TSHZ2: variants seen among roughly 807,000 people sequenced by gnomAD.
TSHZ2 encodes teashirt homolog 2.
A neutral mutation model predicts 74.4 loss-of-function variants in TSHZ2; 21 were observed. That is an observed-to-expected ratio of 0.28 (90% CI 0.20 to 0.41). The LOEUF is 0.41. Among genes scored for constraint, TSHZ2 ranks in the 10% least tolerant of loss-of-function variants. The probability of loss-of-function intolerance (pLI) is 1.00; values close to 1 mark genes in which losing one functional copy is unlikely to be tolerated. For missense variants in TSHZ2, 1,244 were observed against 1,293.5 expected, an observed-to-expected ratio of 0.96 and a Z score of 0.59; for synonymous variants, 540 against 515.3, an observed-to-expected ratio of 1.05 and a Z score of -0.65.
chr20:53,337,458 T>C (rs1042970439), intron 2 of TSHZ2, among the ~76,000 whole-genome samples: 4 of 152,322 alleles, frequency 2.6e-5, no homozygotes, highest in Admixed American at 6.5e-5. Context: ...GTATGTTTCA[T>C]TGGACGGAAC....
At chr20:53,434,915 G>T (rs1003591567) in intron 2 of TSHZ2, among the ~76,000 whole-genome samples, 26 of 152,252 alleles carry the variant, frequency 1.7e-4, no homozygotes, top group Non-Finnish European at 3.4e-4. Flanking sequence ...TGTTTGTTCA[G>T]ACTGGTCTGC....
chr20:53,407,548 C>T (rs897566365), intron 2 of TSHZ2, among the ~76,000 whole-genome samples: 1 of 152,178 alleles, frequency 6.6e-6, no homozygotes, highest in Non-Finnish European at 1.5e-5. Context: ...TGAAGAGGAT[C>T]AGAAGCCACC....
intron 1 of TSHZ2, among the ~76,000 whole-genome samples, chr20:53,168,088 G>A (rs755121917): frequency 7.2e-5 from 11 of 152,300 alleles, no homozygotes; most frequent in Middle Eastern, 6.8e-3. Flanking sequence ...GGCATCATGG[G>A]TGTGTGATTA....
intron 2 of TSHZ2, among the ~76,000 whole-genome samples, chr20:53,483,812 T>C (rs572084746): frequency 2.0e-5 from 3 of 152,350 alleles, no homozygotes; most frequent in African/African-American, 4.8e-5. Flanking sequence ...CTTACTTTCA[T>C]TCCCAGGACA....
intron 2 of TSHZ2, among the ~76,000 whole-genome samples, chr20:53,394,859 CAAAAAA>C (rs1005992034): frequency 1.4e-4 from 6 of 44,116 alleles, no homozygotes; most frequent in South Asian, 8.2e-4. Flanking sequence ...CAGAACTCAC[CAAAAAA>C]AAAAAAAAAA....
At chr20:53,168,239 A>G (rs1031994215) in intron 1 of TSHZ2, among the ~76,000 whole-genome samples, 2 of 152,206 alleles carry the variant, frequency 1.3e-5, no homozygotes, top group African/African-American at 2.4e-5. Context: ...ATATCGTCGG[A>G]CGTGTAGCCC....
At chr20:53,307,755 C>A (rs1978604588) in intron 2 of TSHZ2, among the ~76,000 whole-genome samples, 1 of 152,196 alleles carries the variant, frequency 6.6e-6, no homozygotes, top group Non-Finnish European at 1.5e-5. Context: ...CTATTTCCAG[C>A]CCTTGGGAAA....
intron 1 of TSHZ2, among the ~76,000 whole-genome samples, chr20:53,040,737 C>T (rs1439492824): frequency 6.6e-6 from 1 of 152,106 alleles, no homozygotes; most frequent in Non-Finnish European, 1.5e-5. Flanking sequence ...ACTTAGTGTC[C>T]ACCCTTGGAC....
At chr20:53,141,755 G>A (rs1232831701) in intron 1 of TSHZ2, among the ~76,000 whole-genome samples, 4 of 152,212 alleles carry the variant, frequency 2.6e-5, no homozygotes, top group African/African-American at 4.8e-5. Context: ...GGGTGACCTC[G>A]CTGTGCCTTG....
At chr20:53,249,891 T>C (rs1392882690) in intron 1 of TSHZ2, among the ~76,000 whole-genome samples, 2 of 152,214 alleles carry the variant, frequency 1.3e-5, no homozygotes, top group African/African-American at 2.4e-5. Context: ...AAGAATCTTC[T>C]AGCAGTTCAC....
rs183381394 is a variant in TSHZ2, at chr20:53,097,012, C to G, written c.40+123679C>G. Among the ~76,000 whole-genome samples, 479 of 152,172 alleles carry G rather than the reference C, an allele frequency of 3.1e-3. 1 individual carries two copies. The highest frequency in any genetic ancestry group is 0.011 in the African/African-American group (439 of 41,520). The stretch of plus-strand genomic sequence containing the variant: ...GGTATTGACATCATTTGGGGGCAGA[C>G]AATTCTCTATTGCAGAGGACTGTCC... On this transcript the variant is annotated intron_variant, in intron 1 of 2. Coordinates refer to ENST00000371497, the MANE Select transcript of TSHZ2 (RefSeq NM_173485.6).
At chr20:53,371,486 T>C (rs1981467863) in intron 2 of TSHZ2, among the ~76,000 whole-genome samples, 1 of 152,222 alleles carries the variant, frequency 6.6e-6, no homozygotes, top group Admixed American at 6.5e-5. Flanking sequence ...ATTTGTTTCC[T>C]GGGATGGCTG....
At chr20:53,369,484 A>G (rs1327590088) in intron 2 of TSHZ2, among the ~76,000 whole-genome samples, 1 of 152,074 alleles carries the variant, frequency 6.6e-6, no homozygotes, top group Non-Finnish European at 1.5e-5. Flanking sequence ...AAGCAGGCGG[A>G]TCACCTGAGG....
chr20:53,243,448 A>G (rs1229032979), intron 1 of TSHZ2, among the ~76,000 whole-genome samples: 3 of 152,186 alleles, frequency 2.0e-5, no homozygotes, highest in African/African-American at 4.8e-5. Context: ...GTTCTCCCCA[A>G]TCCTTTGATT....
chr20:53,213,285 G>C (rs1409053114), intron 1 of TSHZ2, among the ~76,000 whole-genome samples: 1 of 152,082 alleles, frequency 6.6e-6, no homozygotes, highest in African/African-American at 2.4e-5. Flanking sequence ...AAAATTTCAT[G>C]CAAAATTGTA....
chr20:52,983,141 T>C (rs547126589), intron 1 of TSHZ2, among the ~76,000 whole-genome samples: 17 of 152,270 alleles, frequency 1.1e-4, no homozygotes, highest in African/African-American at 3.9e-4. Context: ...TGGAAAGGCA[T>C]TGTTAAGAGT....
intron 2 of TSHZ2, among the ~76,000 whole-genome samples, chr20:53,461,273 C>T (rs1259523851): frequency 2.6e-5 from 4 of 152,258 alleles, no homozygotes; most frequent in African/African-American, 4.8e-5. Flanking sequence ...GTCAGAAAAG[C>T]GCTGTATTCG....
In TSHZ2 at chr20:53,267,647, G is replaced by A. The variant is rs551463708; in HGVS notation, c.*8+11076G>A. ...TCATCTCCTGTCTGTACCTACAAAG[G>A]GCTGTTTAAAGATGCCCAGTGTATG... On this transcript the variant is annotated intron_variant, in intron 2 of 2. Transcript: ENST00000371497. Among the ~76,000 whole-genome samples, 3 of 152,216 alleles carry A rather than the reference G, an allele frequency of 2.0e-5. No individual in the cohort carries two copies. In the South Asian group the frequency reaches 6.2e-4, roughly 32 times the overall value.
intron 2 of TSHZ2, among the ~76,000 whole-genome samples, chr20:53,440,606 C>T (rs1172682032): frequency 6.6e-6 from 1 of 152,138 alleles, no homozygotes; most frequent in Non-Finnish European, 1.5e-5. Flanking sequence ...TCTCGTGGAG[C>T]CAACACTCCA....
Sources: gnomAD v4.1 joint callset for allele counts (sites outside exome capture counted in the v4.1 genomes callset) on GRCh38, gnomAD v4.1.1 for gene constraint, MANE v1.5 for transcripts, NCBI Gene and HGNC (gene_info 2026-07-23, HGNC 2026-07-21) for gene names.